HAT1: variants seen among roughly 807,000 people sequenced by gnomAD.
HAT1 encodes the protein histone acetyltransferase 1.
A neutral mutation model predicts 56.6 loss-of-function variants in HAT1; 20 were observed. That is an observed-to-expected ratio of 0.35 (90% CI 0.25 to 0.51). The LOEUF is 0.51. HAT1 is among the 20% of genes least tolerant of loss of function. The pLI is 0.95. For synonymous variants in HAT1, 146 were observed against 165.5 expected, an observed-to-expected ratio of 0.88 and a Z score of 0.91; for missense variants, 408 against 504.3, an observed-to-expected ratio of 0.81 and a Z score of 1.83.
chr2:171,922,876 G>T (rs1686477658), intron 1 of HAT1: 1 of 242,954 alleles, frequency 4.1e-6, no homozygotes, highest in East Asian at 7.8e-5. Flanking sequence ...ATCTGGTCCT[G>T]TTCCCGCCAG....
intron 3 of HAT1, among the ~76,000 whole-genome samples, chr2:171,947,012 GTAT>G (rs1204360989): frequency 6.6e-6 from 1 of 151,898 alleles, no homozygotes; most frequent in Admixed American, 6.6e-5. Context: ...ATTAATGATG[GTAT>G]TATTATTTGC....
At chr2:171,931,470 A>G (rs939048819) in intron 2 of HAT1, among the ~76,000 whole-genome samples, 1 of 152,074 alleles carries the variant, frequency 6.6e-6, no homozygotes, top group Non-Finnish European at 1.5e-5. Flanking sequence ...CAAGAGTTCG[A>G]GAAGACAAGC....
chr2:171,960,590 A>G (rs1687549336), intron 4 of HAT1, among the ~76,000 whole-genome samples: 1 of 152,202 alleles, frequency 6.6e-6, no homozygotes, highest in Admixed American at 6.5e-5. Flanking sequence ...AAAATTCTTC[A>G]GTCACAATTA....
intron 4 of HAT1, among the ~76,000 whole-genome samples, chr2:171,962,626 T>C (rs1574058097): frequency 6.6e-6 from 1 of 152,342 alleles, no homozygotes; most frequent in African/African-American, 2.4e-5. Context: ...ACTCCTGACT[T>C]CAGGTGATGT....
intron 8 of HAT1, among the ~76,000 whole-genome samples, chr2:171,975,706 C>G (rs1310737181): frequency 1.3e-5 from 2 of 151,754 alleles, no homozygotes; most frequent in African/African-American, 2.4e-5. Context: ...TAGGAATATC[C>G]CTTCTTTCAT....
chr2:171,931,503 G>A (rs558981072), intron 2 of HAT1, among the ~76,000 whole-genome samples: 3 of 152,178 alleles, frequency 2.0e-5, no homozygotes, highest in East Asian at 1.9e-4. Flanking sequence ...GTGAAATTCC[G>A]TCTCTACTAA....
Position 171,974,173 on chromosome 2 carries a change from C to CAAA in HAT1, c.824-1967_824-1965dup, listed in dbSNP as rs1183466393. Among the ~76,000 whole-genome samples the CAAA allele has an allele frequency of 5.0e-3, 228 of 45,296 alleles. 3 individuals carry two copies. Among genetic ancestry groups the CAAA allele is most frequent in the East Asian group, 0.037 (30 of 816 alleles). The allele number at this position is 45,296 out of a possible 152,430, so 29.7% of individuals were successfully genotyped here. ...AGCCTGGGTGAGTGAGACCCTGTCT[C>CAAA]AAAAAAAAAAAAAAAAAAAGAAAAA... On this transcript the variant is annotated intron_variant, in intron 8 of 10. Transcript: ENST00000264108.
At chr2:171,978,625 C>T (rs927784794) in intron 9 of HAT1, among the ~76,000 whole-genome samples, 1 of 152,102 alleles carries the variant, frequency 6.6e-6, no homozygotes, top group Non-Finnish European at 1.5e-5. Context: ...ACCCCTTGGT[C>T]TTCTTGTGCT....
chr2:171,973,650 T>G (rs1006897384), intron 8 of HAT1, among the ~76,000 whole-genome samples: 3 of 152,158 alleles, frequency 2.0e-5, no homozygotes, highest in African/African-American at 7.2e-5. Context: ...GTGGTGGCAT[T>G]AGATTCTCAT....
chr2:171,970,926 T>C (rs1687800380), intron 8 of HAT1, among the ~76,000 whole-genome samples: 1 of 150,764 alleles, frequency 6.6e-6, no homozygotes, highest in Non-Finnish European at 1.5e-5. Flanking sequence ...TGTGGCCGGG[T>C]GCCATGGCTC....
chr2:171,947,900 A>G (rs976043716), intron 3 of HAT1, among the ~76,000 whole-genome samples: 5 of 152,060 alleles, frequency 3.3e-5, no homozygotes, highest in Non-Finnish European at 7.4e-5. Flanking sequence ...CAAAATAAAG[A>G]TATGTCCCAG....
chr2:171,963,615 G>T (rs939324301), intron 4 of HAT1, among the ~76,000 whole-genome samples: 2 of 152,086 alleles, frequency 1.3e-5, no homozygotes, highest in African/African-American at 2.4e-5. Context: ...TTTAAAAGTA[G>T]TTTTTCTTGG....
chr2:171,932,597 G>A (rs959605188), intron 2 of HAT1, among the ~76,000 whole-genome samples: 1 of 152,086 alleles, frequency 6.6e-6, no homozygotes, highest in Non-Finnish European at 1.5e-5. Flanking sequence ...GCGAGGTGCA[G>A]TGGCTCAGAC....
chr2:171,962,817 C>T (rs1425824043), intron 4 of HAT1, among the ~76,000 whole-genome samples: 3 of 152,122 alleles, frequency 2.0e-5, no homozygotes, highest in African/African-American at 7.2e-5. Flanking sequence ...CTCTGGAATA[C>T]AGGGAATTTT....
chr2:171,981,690 T>C (rs890041745), intron 10 of HAT1, among the ~76,000 whole-genome samples: 1 of 152,252 alleles, frequency 6.6e-6, no homozygotes, highest in East Asian at 1.9e-4. Flanking sequence ...CCTCATAGTG[T>C]CATTTCATTG....
At chr2:171,969,960 T>G (rs1437371013) in intron 8 of HAT1, among the ~76,000 whole-genome samples, 1 of 152,084 alleles carries the variant, frequency 6.6e-6, no homozygotes, top group African/African-American at 2.4e-5. Context: ...AAGACCAGCC[T>G]GGGCAACATA....
At chr2:171,949,549 C>T (rs1338035188) in intron 3 of HAT1, among the ~76,000 whole-genome samples, 1 of 152,028 alleles carries the variant, frequency 6.6e-6, no homozygotes, top group Admixed American at 6.6e-5. Context: ...CTGGCGTATC[C>T]TGTAGTCCCA....
At chr2:171,977,064 C>T (rs941827431) in intron 9 of HAT1, among the ~76,000 whole-genome samples, 4 of 152,054 alleles carry the variant, frequency 2.6e-5, no homozygotes, top group African/African-American at 4.8e-5. Flanking sequence ...CCCAGCTACT[C>T]GGTAGGCTGA....
chr2:171,975,087 T>G (rs1687924903), intron 8 of HAT1, among the ~76,000 whole-genome samples: 1 of 151,402 alleles, frequency 6.6e-6, no homozygotes, highest in Non-Finnish European at 1.5e-5. Flanking sequence ...GGAAAGTGTT[T>G]CCTCTATTTT....
Sources: allele counts gnomAD v4.1 joint callset (sites outside exome capture counted in the v4.1 genomes callset), GRCh38; gene constraint gnomAD v4.1.1; transcripts MANE v1.5; gene names NCBI Gene and HGNC (gene_info 2026-07-23, HGNC 2026-07-21).